UQCC1: variants seen among roughly 807,000 people sequenced by gnomAD.
UQCC1 encodes the protein ubiquinol-cytochrome c reductase complex assembly factor 1, also known as bFGF-repressed Zic-binding protein.
A neutral mutation model predicts 48.0 loss-of-function variants in UQCC1; 38 were observed. That is an observed-to-expected ratio of 0.79 (90% CI 0.61 to 1.04). The LOEUF is 1.04. Among genes scored for constraint, UQCC1 ranks in the 50% least tolerant of loss-of-function variants. UQCC1 has a pLI of 0.00. For missense variants in UQCC1, 368 were observed against 381.8 expected, an observed-to-expected ratio of 0.96 and a Z score of 0.30; for synonymous variants, 111 against 129.2, an observed-to-expected ratio of 0.86 and a Z score of 0.95.
At chr20:35,411,814 G>A (rs2062370240) in intron 1 of UQCC1, 126 bp downstream of exon 1, 13 of 1,286,634 alleles carry the variant, frequency 1.0e-5, no homozygotes, top group South Asian at 9.7e-5. Flanking sequence ...ACGGAAAAGC[G>A]GCCACTCAGC....
chr20:35,397,634 T>C (rs556621505), intron 1 of UQCC1, among the ~76,000 whole-genome samples: 2 of 152,164 alleles, frequency 1.3e-5, no homozygotes, highest in South Asian at 2.1e-4. Flanking sequence ...ACTATTTACA[T>C]AGCACCTATA....
intron 7 of UQCC1, among the ~76,000 whole-genome samples, chr20:35,319,536 A>G (rs994045374): frequency 1.3e-5 from 2 of 152,226 alleles, no homozygotes; most frequent in Non-Finnish European, 2.9e-5. Flanking sequence ...CATACTACAA[A>G]TATTATAGCA....
chr20:35,386,150 C>A, intron 2 of UQCC1: 1 of 329,420 alleles, frequency 3.0e-6, no homozygotes. Flanking sequence ...TTAGAAAGAA[C>A]ACACAAGAAA....
intron 5 of UQCC1, among the ~76,000 whole-genome samples, chr20:35,367,119 A>C (rs942206647): frequency 2.0e-5 from 3 of 151,488 alleles, no homozygotes; most frequent in Admixed American, 6.6e-5. Context: ...ACAAACAAAA[A>C]AACAACCCAT....
intron 7 of UQCC1, among the ~76,000 whole-genome samples, chr20:35,340,300 A>G (rs1169639395): frequency 6.6e-6 from 1 of 152,234 alleles, no homozygotes; most frequent in East Asian, 1.9e-4. Context: ...GTACATGTTC[A>G]GTAGGACCCT....
chr20:35,328,788 G>A (rs896862562), intron 7 of UQCC1, among the ~76,000 whole-genome samples: 6 of 152,136 alleles, frequency 3.9e-5, no homozygotes, highest in Non-Finnish European at 7.4e-5. Context: ...GCCCTGCCCT[G>A]GGATAACTCC....
chr20:35,313,193 G>A lies in UQCC1; in HGVS notation c.651+1495C>T, dbSNP rs551830017. ...AGATCGAGACCATCCTGGCTAACAC[G>A]GTGAAACCCTGTCTCTACTAAAAAT... On this transcript the variant is annotated intron_variant, in intron 8 of 9. Coordinates refer to ENST00000374385, the MANE Select transcript of UQCC1 (RefSeq NM_018244.5). Among the ~76,000 whole-genome samples the A allele has an allele frequency of 2.2e-4, 33 of 151,960 alleles. No homozygotes were observed. In the South Asian group the frequency reaches 3.3e-3, roughly 15 times the overall value.
intron 6 of UQCC1, among the ~76,000 whole-genome samples, chr20:35,353,197 G>C (rs1255732905): frequency 6.6e-6 from 1 of 151,792 alleles, no homozygotes; most frequent in East Asian, 1.9e-4. Flanking sequence ...GAGGTTAGGA[G>C]ACCAGCCTGG....
At chr20:35,383,451 A>G (rs573929845) in intron 3 of UQCC1, among the ~76,000 whole-genome samples, 252 of 152,278 alleles carry the variant, frequency 1.7e-3, no homozygotes, top group African/African-American at 5.8e-3. Context: ...CTATAATCTC[A>G]GTAATCCCAG....
intron 7 of UQCC1, among the ~76,000 whole-genome samples, chr20:35,326,604 G>A (rs1417808338): frequency 6.6e-6 from 1 of 152,236 alleles, no homozygotes; most frequent in Non-Finnish European, 1.5e-5. Context: ...ATGTAGGTCG[G>A]TATCATTACT....
intron 2 of UQCC1, among the ~76,000 whole-genome samples, chr20:35,385,890 T>C (rs996221905): frequency 2.5e-4 from 37 of 151,004 alleles, no homozygotes; most frequent in African/African-American, 8.3e-4. Context: ...TAGCAAAACT[T>C]CCTGGAAAGG....
intron 2 of UQCC1, among the ~76,000 whole-genome samples, chr20:35,388,493 G>A (rs954172344): frequency 6.6e-6 from 1 of 151,670 alleles, no homozygotes; most frequent in East Asian, 1.9e-4. Context: ...ACTCAGGCTG[G>A]TCTCAAATTC....
chr20:35,350,372 C>T lies in UQCC1; in HGVS notation c.465-3100G>A, dbSNP rs143960690. Among the ~76,000 whole-genome samples the T allele has an allele frequency of 2.5e-3, 381 of 152,240 alleles. 1 individual carries two copies. The highest frequency in any genetic ancestry group is 8.1e-3 in the African/African-American group (336 of 41,530). ...TGTCTGTCACGGAGAAGTGAATCAA[C>T]GCTTGGTGGGAACTCGGGTATCTGA... On this transcript the variant is annotated intron_variant, in intron 6 of 9. Transcript: ENST00000374385.
Position 35,347,237 on chromosome 20 carries a change from C to G in UQCC1, c.500G>C (p.Ser167Thr). 1 of 1,614,166 alleles carries G rather than the reference C, an allele frequency of 6.2e-7. No homozygotes were observed. Among genetic ancestry groups the G allele is most frequent in the Non-Finnish European group, 8.5e-7 (1 of 1,180,028 alleles). The change falls in exon 7 of 10, where the codon AGT (serine) becomes ACT (threonine). Residue 167 changes from serine to threonine, a missense_variant. Coordinates refer to ENST00000374385, the MANE Select transcript of UQCC1 (RefSeq NM_018244.5). ...CLVRMKQEGRSGKYMCRIIVH... is the reference protein window; with the variant it reads ...CLVRMKQEGRTGKYMCRIIVH... ...TATGATACGACACATGTACTTCCCACTCCGGCCTTCCTGCTTCATTCGGAC... is the reference window on the plus strand; with the variant it reads ...TATGATACGACACATGTACTTCCCAGTCCGGCCTTCCTGCTTCATTCGGAC...
At chr20:35,388,747 G>T (rs573453723) in intron 2 of UQCC1, among the ~76,000 whole-genome samples, 1 of 152,250 alleles carries the variant, frequency 6.6e-6, no homozygotes, top group South Asian at 2.1e-4. Flanking sequence ...CCCAGATCTT[G>T]ATTTCTAAAT....
intron 1 of UQCC1, among the ~76,000 whole-genome samples, chr20:35,411,371 AAG>A (rs1413214863): frequency 1.4e-3 from 212 of 152,332 alleles, no homozygotes; most frequent in Non-Finnish European, 2.7e-3. Flanking sequence ...ATGCTAGGCA[AAG>A]TGAAAACGAC....
intron 9 of UQCC1, among the ~76,000 whole-genome samples, chr20:35,305,771 A>G (rs1299072010): frequency 6.6e-6 from 1 of 152,256 alleles, no homozygotes; most frequent in Non-Finnish European, 1.5e-5. Context: ...GACCATGAAT[A>G]CAAGTGAACA....
chr20:35,305,081 C>T (rs977678589), intron 9 of UQCC1, among the ~76,000 whole-genome samples: 4 of 152,222 alleles, frequency 2.6e-5, no homozygotes, highest in East Asian at 1.9e-4. Context: ...CTTCCTTTCC[C>T]GGCCTTCAGC....
chr20:35,377,564 G>A (rs1006896479), intron 4 of UQCC1, among the ~76,000 whole-genome samples: 1 of 152,200 alleles, frequency 6.6e-6, no homozygotes, highest in Non-Finnish European at 1.5e-5. Context: ...TGGATGATGA[G>A]AATAGAGCAG....
Sources: gnomAD v4.1 joint callset for allele counts (sites outside exome capture counted in the v4.1 genomes callset) on GRCh38, gnomAD v4.1.1 for gene constraint, MANE v1.5 for transcripts, NCBI Gene and HGNC (gene_info 2026-07-23, HGNC 2026-07-21) for gene names.